Variants in SAMD3 observed in about 807,000 individuals in gnomAD.
SAMD3 encodes the protein sterile alpha motif domain-containing protein 3.
SAMD3 carries 63 observed loss-of-function variants against 58.5 expected under a neutral mutation model. The observed-to-expected ratio is 1.08, with a 90% CI of 0.88 to 1.33. The LOEUF is 1.33. SAMD3 is among the 40% of genes most tolerant of loss of function. The pLI is 0.00. For synonymous variants in SAMD3, 220 were observed against 210.3 expected, an observed-to-expected ratio of 1.05 and a Z score of -0.40; for missense variants, 604 against 608.4, an observed-to-expected ratio of 0.99 and a Z score of 0.08.
intron 9 of SAMD3, among the ~76,000 whole-genome samples, chr6:130,153,673 T>TATATATATATATATATATATA (rs1789449698): frequency 6.9e-6 from 1 of 145,196 alleles, no homozygotes; most frequent in African/African-American, 2.5e-5. Flanking sequence ...TATTTATTTA[T>TATATATATATATATATATATA]TTATTTATTT....
intron 2 of SAMD3, among the ~76,000 whole-genome samples, chr6:130,259,876 T>C (rs1426103004): frequency 6.6e-6 from 1 of 152,204 alleles, no homozygotes; most frequent in Non-Finnish European, 1.5e-5. Context: ...CTGAAATTGT[T>C]CAATTTTTTT....
At chr6:130,186,093 A>G (rs1456490886) in intron 5 of SAMD3, among the ~76,000 whole-genome samples, 2 of 152,208 alleles carry the variant, frequency 1.3e-5, no homozygotes, top group Non-Finnish European at 2.9e-5. Context: ...CCAAGTAACA[A>G]TTAATCAAAG....
intron 5 of SAMD3, among the ~76,000 whole-genome samples, chr6:130,203,542 T>C (rs754401419): frequency 2.8e-4 from 43 of 152,346 alleles, no homozygotes; most frequent in Non-Finnish European, 5.3e-4. Flanking sequence ...TGACAATGGA[T>C]CTCAAGACAT....
At position 130,199,817 on chromosome 6, in the gene SAMD3, T is replaced by C. The variant is rs188486907; in HGVS notation, c.383+9678A>G. ...CCCACCGTGAATTCTGAAAAATGTT[T>C]GAGCCACATTCCTATAATTTTGATG... On this transcript the variant is annotated intron_variant, in intron 5 of 11. Transcript: ENST00000439090. Among the ~76,000 whole-genome samples the C allele has an allele frequency of 1.2e-3, 182 of 152,360 alleles. 1 individual carries two copies. Among genetic ancestry groups the C allele is most frequent in the African/African-American group, 4.2e-3 (174 of 41,584 alleles).
At chr6:130,360,133 A>G (rs1191721605) in intron 1 of SAMD3, among the ~76,000 whole-genome samples, 2 of 152,222 alleles carry the variant, frequency 1.3e-5, no homozygotes, top group African/African-American at 2.4e-5. Flanking sequence ...CCTTATATAA[A>G]CAGGTGTTTC....
At chr6:130,317,578 A>G (rs1204917533) in intron 1 of SAMD3, among the ~76,000 whole-genome samples, 1 of 152,358 alleles carries the variant, frequency 6.6e-6, no homozygotes, top group East Asian at 1.9e-4. Context: ...ATTTGGACTT[A>G]AAGGATGAGT....
At chr6:130,320,569 G>T (rs995860320) in intron 1 of SAMD3, among the ~76,000 whole-genome samples, 4 of 152,126 alleles carry the variant, frequency 2.6e-5, no homozygotes, top group African/African-American at 9.7e-5. Context: ...AAAAAGATTT[G>T]CACATGAATG....
intron 2 of SAMD3, among the ~76,000 whole-genome samples, chr6:130,292,128 G>T (rs543377307): frequency 6.6e-6 from 1 of 152,212 alleles, no homozygotes; most frequent in South Asian, 2.1e-4. Flanking sequence ...ACCAAGGAAG[G>T]CTCTCACAGG....
At chr6:130,282,155 C>T (rs544918259) in intron 2 of SAMD3, among the ~76,000 whole-genome samples, 292 of 152,128 alleles carry the variant, frequency 1.9e-3, no homozygotes, top group African/African-American at 6.2e-3. Context: ...CAAGCACACA[C>T]GCACACGTGC....
intron 1 of SAMD3, among the ~76,000 whole-genome samples, chr6:130,318,756 A>C (rs1271417041): frequency 6.6e-6 from 1 of 152,190 alleles, no homozygotes; most frequent in Non-Finnish European, 1.5e-5. Context: ...ATAGGCATGG[A>C]AAGACACAGG....
chr6:130,349,958 CA>C (rs1185169685), intron 1 of SAMD3, among the ~76,000 whole-genome samples: 18 of 152,110 alleles, frequency 1.2e-4, no homozygotes, highest in Non-Finnish European at 2.4e-4. Flanking sequence ...TAAACAGAAC[CA>C]AAGACCAAAA....
chr6:130,277,677 C>T (rs944841350), intron 2 of SAMD3, among the ~76,000 whole-genome samples: 1 of 152,064 alleles, frequency 6.6e-6, no homozygotes, highest in African/African-American at 2.4e-5. Context: ...GGATGTTCTT[C>T]CTTGGTTCTC....
At chr6:130,363,243 G>C (rs541944462) in intron 1 of SAMD3, among the ~76,000 whole-genome samples, 121 of 152,136 alleles carry the variant, frequency 8.0e-4, no homozygotes, top group Non-Finnish European at 1.3e-3. Context: ...AAATGCTATG[G>C]GCTACATTTA....
chr6:130,212,282 T>C (rs1795642066), intron 4 of SAMD3, among the ~76,000 whole-genome samples: 1 of 152,164 alleles, frequency 6.6e-6, no homozygotes, highest in African/African-American at 2.4e-5. Context: ...GCAATAAGTA[T>C]TCTCTTCTCA....
chr6:130,239,348 T>G (rs1582992568), intron 2 of SAMD3, among the ~76,000 whole-genome samples: 1 of 152,144 alleles, frequency 6.6e-6, no homozygotes, highest in African/African-American at 2.4e-5. Flanking sequence ...TAGTGGCAGC[T>G]TAGAAAATAT....
chr6:130,214,723 A>G (rs1315130281), intron 3 of SAMD3, among the ~76,000 whole-genome samples, 197 bp from the exon 4 acceptor site: 1 of 152,206 alleles, frequency 6.6e-6, no homozygotes, highest in East Asian at 1.9e-4. Context: ...CTAAGAAAGT[A>G]CCAGAACATG....
chr6:130,171,353 G>A (rs1330810191), intron 8 of SAMD3, among the ~76,000 whole-genome samples: 2 of 152,170 alleles, frequency 1.3e-5, no homozygotes, highest in Non-Finnish European at 2.9e-5. Flanking sequence ...GTATTTTATT[G>A]AAGATTTTTG....
At position 130,176,026 on chromosome 6, in the gene SAMD3, C is replaced by G. The variant is rs1791691715; in HGVS notation, c.655-18G>C. 2 of 1,603,556 alleles carry G rather than the reference C, an allele frequency of 1.2e-6. No individual in the cohort carries two copies. The highest frequency in any genetic ancestry group is 8.5e-7 in the Non-Finnish European group (1 of 1,172,080). ...CATAAAAACTGTAAAATAAAACAGA[C>G]CAGTTAATCTTCAAGGAGATTGAGA... On this transcript the variant is annotated intron_variant, in intron 7 of 11. Transcript: ENST00000439090.
At chr6:130,349,838 T>C (rs372245541) in intron 1 of SAMD3, among the ~76,000 whole-genome samples, 2 of 151,878 alleles carry the variant, frequency 1.3e-5, no homozygotes, top group Admixed American at 6.6e-5. Context: ...TACTGGCAAA[T>C]CGAATCCAGC....
Sources: gnomAD v4.1 joint callset for allele counts (sites outside exome capture counted in the v4.1 genomes callset) on GRCh38, gnomAD v4.1.1 for gene constraint, MANE v1.5 for transcripts, NCBI Gene and HGNC (gene_info 2026-07-23, HGNC 2026-07-21) for gene names.